The following LHFPL3 variants were observed in gnomAD, a reference collection of about 807,000 sequenced individuals.
The protein encoded by LHFPL3 is LHFPL tetraspan subfamily member 3 protein.
A neutral mutation model predicts 19.3 loss-of-function variants in LHFPL3; 5 were observed. That is an observed-to-expected ratio of 0.26 (90% confidence interval 0.14 to 0.54). LHFPL3 has a LOEUF of 0.54. LHFPL3 is among the 20% of genes least tolerant of loss of function. The pLI, the probability that LHFPL3 is intolerant of heterozygous loss-of-function variation, is 0.94. For synonymous variants in LHFPL3, 133 were observed against 126.2 expected, an observed-to-expected ratio of 1.05 and a Z score of -0.36; for missense variants, 249 against 307.4, an observed-to-expected ratio of 0.81 and a Z score of 1.42.
At chr7:104,614,829 C>T (rs1277951404) in intron 1 of LHFPL3, among the ~76,000 whole-genome samples, 1 of 151,440 alleles carries the variant, frequency 6.6e-6, no homozygotes, top group East Asian at 1.9e-4. Context: ...CAGCTCACTG[C>T]AACCCCAACC....
chr7:104,612,308 T>A (rs1791227056), intron 1 of LHFPL3, among the ~76,000 whole-genome samples: 1 of 152,190 alleles, frequency 6.6e-6, no homozygotes, highest in Non-Finnish European at 1.5e-5. Flanking sequence ...ATCTCCTAGG[T>A]TATTTTGAGG....
chr7:104,769,336 C>T (rs1322827192), intron 2 of LHFPL3, among the ~76,000 whole-genome samples: 1 of 152,186 alleles, frequency 6.6e-6, no homozygotes, highest in African/African-American at 2.4e-5. Context: ...AGGCATTCTC[C>T]TTAAACAGCC....
chr7:104,398,817 T>C (rs1584293071), intron 1 of LHFPL3, among the ~76,000 whole-genome samples: 1 of 147,090 alleles, frequency 6.8e-6, no homozygotes, highest in East Asian at 2.0e-4. Flanking sequence ...TGTTGTCACC[T>C]CCTTCTGGAA....
intron 1 of LHFPL3, among the ~76,000 whole-genome samples, chr7:104,341,992 C>T (rs1789964256): frequency 6.6e-6 from 1 of 152,200 alleles, no homozygotes; most frequent in Admixed American, 6.5e-5. Flanking sequence ...TTTCTGCAGC[C>T]CCTTGCCTTA....
At chr7:104,796,657 G>C (rs982542924) in intron 2 of LHFPL3, 1 of 152,612 alleles carries the variant, frequency 6.6e-6, no homozygotes, top group African/African-American at 2.4e-5. Context: ...CAGCTTATTA[G>C]TTTGGATGGT....
intron 1 of LHFPL3, among the ~76,000 whole-genome samples, chr7:104,610,621 C>T (rs1389867332): frequency 6.6e-6 from 1 of 152,022 alleles, no homozygotes; most frequent in African/African-American, 2.4e-5. Flanking sequence ...AATGTCTCAG[C>T]TCAATGACAG....
chr7:104,482,475 G>A (rs1793156099), intron 1 of LHFPL3, among the ~76,000 whole-genome samples: 1 of 152,212 alleles, frequency 6.6e-6, no homozygotes, highest in Non-Finnish European at 1.5e-5. Flanking sequence ...CTGCACAGGT[G>A]TTCCACCAGT....
intron 1 of LHFPL3, among the ~76,000 whole-genome samples, chr7:104,635,589 C>T (rs1791715513): frequency 4.6e-5 from 7 of 152,066 alleles, no homozygotes; most frequent in Admixed American, 4.6e-4. Flanking sequence ...GATTATCATG[C>T]AAATATGAAA....
At chr7:104,866,172 G>A (rs926189901) in intron 2 of LHFPL3, among the ~76,000 whole-genome samples, 5 of 152,070 alleles carry the variant, frequency 3.3e-5, no homozygotes, top group Non-Finnish European at 5.9e-5. Context: ...GTCAACTAAC[G>A]AGCAAAATAA....
chr7:104,706,368 G>A (rs543418062), intron 1 of LHFPL3, among the ~76,000 whole-genome samples: 5 of 152,144 alleles, frequency 3.3e-5, no homozygotes, highest in East Asian at 1.9e-4. Context: ...AGCTCTGGCC[G>A]ATGACTCAGC....
chr7:104,395,269 C>G (rs1023479150), intron 1 of LHFPL3, among the ~76,000 whole-genome samples: 3 of 152,138 alleles, frequency 2.0e-5, no homozygotes, highest in African/African-American at 7.2e-5. Flanking sequence ...TTCCTGAATA[C>G]TGTGTCCACA....
At chr7:104,596,996 G>A (rs140251980) in intron 1 of LHFPL3, among the ~76,000 whole-genome samples, 96 of 152,274 alleles carry the variant, frequency 6.3e-4, no homozygotes, top group African/African-American at 2.3e-3. Context: ...AACTACAGGA[G>A]CTCATAAACA....
At chr7:104,545,598 T>A (rs1369707852) in intron 1 of LHFPL3, among the ~76,000 whole-genome samples, 1 of 152,242 alleles carries the variant, frequency 6.6e-6, no homozygotes, top group Non-Finnish European at 1.5e-5. Flanking sequence ...GAGTTTGTTC[T>A]GATTGGCTCC....
chr7:104,409,324 G>A (rs1007763040), intron 1 of LHFPL3, among the ~76,000 whole-genome samples: 70 of 151,956 alleles, frequency 4.6e-4, no homozygotes, highest in African/African-American at 1.7e-3. Context: ...GTGTGTGTGT[G>A]TGTGTGTGTG....
intron 1 of LHFPL3, among the ~76,000 whole-genome samples, chr7:104,374,336 G>A (rs1790669151): frequency 6.6e-6 from 1 of 151,872 alleles, no homozygotes; most frequent in East Asian, 1.9e-4. Context: ...CCACCTCCTG[G>A]GTTCAAGCGA....
At chr7:104,498,297 A>G (rs572659996) in intron 1 of LHFPL3, among the ~76,000 whole-genome samples, 36 of 152,300 alleles carry the variant, frequency 2.4e-4, no homozygotes, top group African/African-American at 8.2e-4. Flanking sequence ...CCATGAGTCT[A>G]CAAAAGGTTA....
At chr7:104,446,484 C>A (rs1374856844) in intron 1 of LHFPL3, among the ~76,000 whole-genome samples, 4 of 152,128 alleles carry the variant, frequency 2.6e-5, no homozygotes, top group Non-Finnish European at 4.4e-5. Context: ...TTTTCTGTAT[C>A]AATAAACTCT....
rs1168778944 is a variant in LHFPL3 at position 104,590,664 on chromosome 7, T to A, written c.446-146011T>A. 2.0e-5 allele frequency among the ~76,000 whole-genome samples: 3 copies of A among 152,202 alleles called. No individual in the cohort carries two copies. The East Asian group carries it at 5.8e-4, about 29-fold the overall frequency. ...CAGAGCTGAGTTCAGTTCCTGGATA[T>A]CCCTGTTAACTTTCTGTCTCATTGA... is the stretch of plus-strand genomic sequence containing the variant. On this transcript the variant is annotated intron_variant, in intron 1 of 2. Coordinates refer to ENST00000424859, the MANE Select transcript of LHFPL3 (RefSeq NM_199000.3).
At chr7:104,430,452 ATATTTTTTTTTTTTTT>A (rs1791976770) in intron 1 of LHFPL3, among the ~76,000 whole-genome samples, 10 of 19,336 alleles carry the variant, frequency 5.2e-4, no homozygotes, top group African/African-American at 2.7e-3. Flanking sequence ...ATATATATAT[ATATTTTTTTTTTTTTT>A]TTTTTTTTTT....
Sources: allele counts gnomAD v4.1 joint callset (sites outside exome capture counted in the v4.1 genomes callset), GRCh38; gene constraint gnomAD v4.1.1; transcripts MANE v1.5; gene names NCBI Gene and HGNC (gene_info 2026-07-23, HGNC 2026-07-21).